Variants in EDIL3 observed in about 807,000 individuals in gnomAD.
The protein encoded by EDIL3 is EGF-like repeat and discoidin I-like domain-containing protein 3.
EDIL3 carries 37 observed loss-of-function variants against 67.4 expected under a neutral mutation model. That is an observed-to-expected ratio of 0.55 (90% confidence interval 0.42 to 0.72). EDIL3 has a LOEUF of 0.72. Ranked by LOEUF, EDIL3 falls within the 30% of genes least tolerant of loss-of-function variation. EDIL3 has a pLI of 0.00. For missense variants in EDIL3, 527 were observed against 586.3 expected (o/e 0.90, Z 1.04); for synonymous variants, 195 against 196.3 (o/e 0.99, Z 0.05).
chr5:84,329,917 T>C (rs1039614305), intron 1 of EDIL3, among the ~76,000 whole-genome samples: 3 of 152,100 alleles, frequency 2.0e-5, no homozygotes. Flanking sequence ...CAATATTATA[T>C]AATTTGTAAT....
At position 84,060,290 on chromosome 5, in the gene EDIL3, A is replaced by G. The variant is rs754318490; in HGVS notation, c.1137+10T>C. On this transcript the variant is annotated intron_variant, in intron 9 of 10. Coordinates refer to ENST00000296591, the MANE Select transcript of EDIL3 (RefSeq NM_005711.5). Reference sequence around the variant, plus strand: ...ACAGTGGGTAGTGAAACAGTTTTGGAAAACTTTACCTGTAACCATTGTGAC... The same window carrying G: ...ACAGTGGGTAGTGAAACAGTTTTGGGAAACTTTACCTGTAACCATTGTGAC... The G allele has an allele frequency of 2.5e-6, 4 of 1,611,050 alleles. No individual in the cohort carries two copies. Among genetic ancestry groups the G allele is most frequent in the South Asian group, 2.2e-5 (2 of 90,938 alleles).
At chr5:84,267,946 G>A (rs1489976030) in intron 1 of EDIL3, among the ~76,000 whole-genome samples, 1 of 152,128 alleles carries the variant, frequency 6.6e-6, no homozygotes, top group Admixed American at 6.5e-5. Flanking sequence ...AGGCCAGCCT[G>A]GGCAACATGT....
intron 6 of EDIL3, among the ~76,000 whole-genome samples, chr5:84,103,603 A>T (rs1747406973): frequency 6.6e-6 from 1 of 152,136 alleles, no homozygotes; most frequent in Admixed American, 6.6e-5. Flanking sequence ...GCAGCCAACA[A>T]TCATAGGAAA....
intron 1 of EDIL3, among the ~76,000 whole-genome samples, chr5:84,364,750 G>C (rs987012557): frequency 6.6e-6 from 1 of 151,726 alleles, no homozygotes; most frequent in Non-Finnish European, 1.5e-5. Flanking sequence ...ATTTCATATG[G>C]AATCCTGCAA....
At chr5:84,063,666 G>T (rs192359496) in intron 8 of EDIL3, among the ~76,000 whole-genome samples, 1 of 152,006 alleles carries the variant, frequency 6.6e-6, no homozygotes, top group South Asian at 2.1e-4. Flanking sequence ...TAAAGTATGC[G>T]CTTTAACCTA....
At chr5:84,052,027 A>G (rs986417174) in intron 9 of EDIL3, among the ~76,000 whole-genome samples, 1 of 152,238 alleles carries the variant, frequency 6.6e-6, no homozygotes, top group Non-Finnish European at 1.5e-5. Flanking sequence ...CAAAGATGAA[A>G]TGAAGGAAAA....
At chr5:84,051,132 A>G (rs575998152) in intron 9 of EDIL3, among the ~76,000 whole-genome samples, 250 of 152,308 alleles carry the variant, frequency 1.6e-3, no homozygotes, top group Non-Finnish European at 3.0e-3. Context: ...AGGAACGATC[A>G]GACAGCAACA....
chr5:84,143,466 C>T (rs1044902512), intron 4 of EDIL3, among the ~76,000 whole-genome samples: 1 of 152,072 alleles, frequency 6.6e-6, no homozygotes, highest in Admixed American at 6.6e-5. Context: ...TAATAAAGAT[C>T]ATATTCTCTG....
chr5:84,088,577 C>T (rs1747111500), intron 6 of EDIL3, among the ~76,000 whole-genome samples: 1 of 152,060 alleles, frequency 6.6e-6, no homozygotes, highest in African/African-American at 2.4e-5. Flanking sequence ...CTAAGGAGAC[C>T]TGCATTGAAC....
At chr5:84,023,663 C>T (rs1323780579) in intron 9 of EDIL3, among the ~76,000 whole-genome samples, 1 of 152,020 alleles carries the variant, frequency 6.6e-6, no homozygotes, top group Non-Finnish European at 1.5e-5. Flanking sequence ...ATGCATTTGG[C>T]TACTCAGATT....
intron 9 of EDIL3, among the ~76,000 whole-genome samples, chr5:83,999,073 G>A (rs1023524453): frequency 6.6e-6 from 1 of 152,130 alleles, no homozygotes; most frequent in African/African-American, 2.4e-5. Context: ...AGGGTTACTA[G>A]GCTTGAGATG....
chr5:84,023,296 A>G (rs1745751164), intron 9 of EDIL3, among the ~76,000 whole-genome samples: 1 of 151,998 alleles, frequency 6.6e-6, no homozygotes, highest in African/African-American at 2.4e-5. Context: ...GAGATGACTG[A>G]CAAATGCATT....
chr5:84,002,276 T>A (rs992456179), intron 9 of EDIL3, among the ~76,000 whole-genome samples: 2 of 151,672 alleles, frequency 1.3e-5, no homozygotes, highest in Non-Finnish European at 2.9e-5. Context: ...AGAAGGAACA[T>A]ACCTCAACAT....
chr5:84,179,459 T>A (rs1219147883), intron 4 of EDIL3, among the ~76,000 whole-genome samples: 1 of 152,350 alleles, frequency 6.6e-6, no homozygotes, highest in Non-Finnish European at 1.5e-5. Flanking sequence ...GGCCATGGCA[T>A]GTCTCCAGAA....
At chr5:84,223,536 C>G (rs766417241) in intron 3 of EDIL3, among the ~76,000 whole-genome samples, 1 of 151,590 alleles carries the variant, frequency 6.6e-6, no homozygotes, top group Non-Finnish European at 1.5e-5. Flanking sequence ...AAGAAGAATA[C>G]TGAATGATCT....
chr5:83,952,829 T>G (rs1219048275), intron 10 of EDIL3, among the ~76,000 whole-genome samples: 5 of 151,882 alleles, frequency 3.3e-5, no homozygotes, highest in African/African-American at 1.2e-4. Context: ...AGGAGACTTT[T>G]CCTCACTTCA....
At chr5:84,039,316 T>C (rs2112211722) in intron 9 of EDIL3, among the ~76,000 whole-genome samples, 1 of 152,258 alleles carries the variant, frequency 6.6e-6, no homozygotes, top group East Asian at 1.9e-4. Context: ...ACTGAGTTGA[T>C]CACCTGAATT....
intron 6 of EDIL3, among the ~76,000 whole-genome samples, chr5:84,089,708 C>A (rs1351857229): frequency 6.6e-6 from 1 of 152,152 alleles, no homozygotes; most frequent in Non-Finnish European, 1.5e-5. Context: ...TGTATTTTCA[C>A]ATTTTGGCAT....
chr5:84,168,762 G>A (rs911536669), intron 4 of EDIL3, among the ~76,000 whole-genome samples: 3 of 152,064 alleles, frequency 2.0e-5, no homozygotes, highest in African/African-American at 4.8e-5. Flanking sequence ...CACCTCCCAG[G>A]TGGTTGCAAG....
Sources: allele counts gnomAD v4.1 joint callset (sites outside exome capture counted in the v4.1 genomes callset), GRCh38; gene constraint gnomAD v4.1.1; transcripts MANE v1.5; gene names NCBI Gene and HGNC (gene_info 2026-07-23, HGNC 2026-07-21).